PARN: variants seen among roughly 807,000 people sequenced by gnomAD.
The protein encoded by PARN is poly(A)-specific ribonuclease, also known as poly(A)-specific ribonuclease PARN.
Under a neutral mutation model 102.8 loss-of-function variants are expected in PARN, and 71 were observed. The ratio of observed to expected loss-of-function variants is 0.69; its 90% CI spans 0.57 to 0.84. The LOEUF is 0.84. Among genes scored for constraint, PARN ranks in the 40% least tolerant of loss-of-function variants. PARN has a pLI of 0.00. For synonymous variants in PARN, 261 were observed against 252.9 expected (o/e 1.03, Z -0.30); for missense variants, 782 against 760.9 (o/e 1.03, Z -0.33).
At chr16:14,510,684 AGT>A (rs566122400) in intron 21 of PARN, among the ~76,000 whole-genome samples, 167 of 152,270 alleles carry the variant, frequency 1.1e-3, no homozygotes, top group African/African-American at 3.9e-3. Flanking sequence ...ATGCCAGAGA[AGT>A]GTGTTTTGAG....
rs187845554 is a variant in PARN, at chr16:14,540,743, G to A, written c.1480+11278C>T. Among the ~76,000 whole-genome samples, 182 of 152,214 alleles carry A rather than the reference G, an allele frequency of 1.2e-3. 1 individual carries two copies. Among genetic ancestry groups the A allele is most frequent in the African/African-American group, 4.0e-3 (164 of 41,514 alleles). The stretch of plus-strand genomic sequence containing the variant: ...GAGGCAGGCAGGTGGCTTGAGCCCA[G>A]GAATTGAAGACCAGCCTGGGCAACA... On this transcript the variant is annotated intron_variant, in intron 21 of 23. Transcript: ENST00000437198.
intron 22 of PARN, among the ~76,000 whole-genome samples, chr16:14,478,759 T>C (rs1963212719): frequency 6.6e-6 from 1 of 152,240 alleles, no homozygotes; most frequent in Non-Finnish European, 1.5e-5. Context: ...TTGCAAAATA[T>C]GAAGTCAATA....
chr16:14,519,258 G>T, intron 21 of PARN, among the ~76,000 whole-genome samples: 1 of 141,706 alleles, frequency 7.1e-6, no homozygotes. Flanking sequence ...AAAAGAGAGG[G>T]GCATGGAGGG....
chr16:14,627,015 C>T, intron 5 of PARN, 91 bp downstream of exon 5: 1 of 761,428 alleles, frequency 1.3e-6, no homozygotes, highest in Admixed American at 2.3e-5. Context: ...CCCCAAAGCC[C>T]AAAGTTAATA....
intron 22 of PARN, among the ~76,000 whole-genome samples, chr16:14,474,821 C>T (rs1431751444): frequency 1.3e-5 from 2 of 152,204 alleles, no homozygotes; most frequent in Non-Finnish European, 2.9e-5. Context: ...AACACTTGCT[C>T]CACAAGCCCA....
Position 14,528,074 on chromosome 16 carries a change from G to A in PARN, c.1480+23947C>T, listed in dbSNP as rs144221913. Among the ~76,000 whole-genome samples, 7 of 152,344 alleles carry A rather than the reference G, an allele frequency of 4.6e-5. 2 individuals are homozygous for A. Among genetic ancestry groups the A allele is most frequent in the African/African-American group, 1.7e-4 (7 of 41,574 alleles). ...CACAAATACAGAATCTGTGAATAATGAGGACTGACTGTATTTTTAAAACCA... is the reference window on the plus strand; with the variant it reads ...CACAAATACAGAATCTGTGAATAATAAGGACTGACTGTATTTTTAAAACCA... On this transcript the variant is annotated intron_variant, in intron 21 of 23. Transcript: ENST00000437198.
At chr16:14,629,112 T>C (rs1353723646) in intron 2 of PARN, among the ~76,000 whole-genome samples, 1 of 152,192 alleles carries the variant, frequency 6.6e-6, no homozygotes. Flanking sequence ...TGGCGGTTGC[T>C]AAAGGCTGGG....
intron 21 of PARN, among the ~76,000 whole-genome samples, chr16:14,491,062 G>A (rs1181852559): frequency 6.6e-6 from 1 of 151,952 alleles, no homozygotes; most frequent in Non-Finnish European, 1.5e-5. Context: ...GTTGGAAACA[G>A]GAATCAGTGA....
intron 21 of PARN, among the ~76,000 whole-genome samples, chr16:14,527,596 A>G (rs1030121839): frequency 1.2e-4 from 19 of 152,174 alleles, no homozygotes; most frequent in African/African-American, 4.3e-4. Context: ...TCAATATATT[A>G]TCTTGTTTTA....
chr16:14,592,785 A>T (rs1292225958), intron 13 of PARN, among the ~76,000 whole-genome samples: 1 of 152,210 alleles, frequency 6.6e-6, no homozygotes, highest in Non-Finnish European at 1.5e-5. Context: ...TGGCATTAAG[A>T]CAATGAAACA....
At chr16:14,588,388 G>C (rs567398868) in intron 13 of PARN, among the ~76,000 whole-genome samples, 1 of 152,250 alleles carries the variant, frequency 6.6e-6, no homozygotes, top group South Asian at 2.1e-4. Context: ...GATTAATTTA[G>C]AATTTTCAGC....
intron 13 of PARN, chr16:14,591,773 C>A (rs1297064375): frequency 6.6e-6 from 1 of 152,198 alleles, no homozygotes; most frequent in Non-Finnish European, 1.5e-5. Context: ...CATAGTGGCT[C>A]ACACCTGTAA....
intron 21 of PARN, among the ~76,000 whole-genome samples, chr16:14,537,942 T>G (rs1271640636): frequency 6.6e-6 from 1 of 152,206 alleles, no homozygotes; most frequent in African/African-American, 2.4e-5. Context: ...AGAGAGAAGT[T>G]TGAATGTTCA....
At chr16:14,596,868 C>A (rs1970550540) in intron 12 of PARN, among the ~76,000 whole-genome samples, 3 of 151,460 alleles carry the variant, frequency 2.0e-5, no homozygotes, top group Admixed American at 2.0e-4. Context: ...GTTACTGCAA[C>A]CCCCGCCTCC....
At chr16:14,549,263 C>G (rs1967149905) in intron 21 of PARN, among the ~76,000 whole-genome samples, 1 of 152,170 alleles carries the variant, frequency 6.6e-6, no homozygotes. Context: ...GAACAGTGAT[C>G]TACTTAACCT....
At chr16:14,550,911 C>G (rs1967256040) in intron 21 of PARN, among the ~76,000 whole-genome samples, 1 of 151,848 alleles carries the variant, frequency 6.6e-6, no homozygotes, top group Non-Finnish European at 1.5e-5. Context: ...ATCAAAATAT[C>G]AAAATTATTT....
At chr16:14,503,046 G>C (rs1964702441) in intron 21 of PARN, among the ~76,000 whole-genome samples, 1 of 152,152 alleles carries the variant, frequency 6.6e-6, no homozygotes, top group African/African-American at 2.4e-5. Context: ...TAAGACGGTA[G>C]AGATATTTCA....
intron 22 of PARN, among the ~76,000 whole-genome samples, chr16:14,468,924 TA>T (rs1391376399): frequency 8.3e-5 from 12 of 144,856 alleles, no homozygotes; most frequent in Non-Finnish European, 1.2e-4. Context: ...GATAGATAGA[TA>T]AAATAAAATA....
chr16:14,563,117 G>A (rs955669379), intron 18 of PARN, among the ~76,000 whole-genome samples: 5 of 152,196 alleles, frequency 3.3e-5, no homozygotes. Flanking sequence ...TCTGAGAACT[G>A]AAAAGATCAT....
Sources: gnomAD v4.1 joint callset for allele counts (sites outside exome capture counted in the v4.1 genomes callset) on GRCh38, gnomAD v4.1.1 for gene constraint, MANE v1.5 for transcripts, NCBI Gene and HGNC (gene_info 2026-07-23, HGNC 2026-07-21) for gene names.